Variants in ZNF791 observed in about 807,000 individuals in gnomAD.
The protein encoded by ZNF791 is zinc finger protein 791.
A neutral mutation model predicts 11.5 loss-of-function variants in ZNF791; 4 were observed. The ratio of observed to expected loss-of-function variants is 0.35; its 90% confidence interval spans 0.17 to 0.80. The LOEUF (loss-of-function observed/expected upper bound fraction) is 0.80. Ranked by LOEUF, ZNF791 falls within the 30% of genes least tolerant of loss-of-function variation. The pLI is 0.53. For synonymous variants in ZNF791, 212 were observed against 228.1 expected (o/e 0.93, Z 0.64); for missense variants, 559 against 699.4 (o/e 0.80, Z 2.26).
At chr19:12,622,427 A>C (rs896927385) in intron 1 of ZNF791, among the ~76,000 whole-genome samples, 1 of 146,678 alleles carries the variant, frequency 6.8e-6, no homozygotes, top group African/African-American at 2.5e-5. Flanking sequence ...AAAAAAAAAA[A>C]AAAAACCTCC....
intron 3 of ZNF791, among the ~76,000 whole-genome samples, chr19:12,627,149 C>T (rs2023441672): frequency 6.6e-6 from 1 of 150,740 alleles, no homozygotes; most frequent in East Asian, 2.0e-4. Context: ...TCACTGTACT[C>T]CAGTGCGGGT....
rs1031536011 is a variant in ZNF791 at position 12,630,536 on chromosome 19, C to G, written c.*1276C>G. 6.6e-6 allele frequency: 1 copy of G among 152,114 alleles called. No individual in the cohort carries two copies. Among genetic ancestry groups the G allele is most frequent in the African/African-American group, 2.4e-5 (1 of 41,430 alleles). 9.4% of individuals were successfully genotyped at this position (152,114 alleles called of 1,614,324 possible). A position where few individuals can be genotyped will look rare whatever the true frequency, so the allele number is the denominator to read the frequency against. ...AGTTACTGGTTTATATATTTACAAT[C>G]CTGTTTTAGAATGTATTCCTGTGTT... is the stretch of plus-strand genomic sequence containing the variant. On this transcript the variant is annotated 3_prime_UTR_variant, in exon 4 of 4. Coordinates refer to ENST00000343325, the MANE Select transcript of ZNF791 (RefSeq NM_153358.3).
rs1022047068 is a variant in ZNF791, at chr19:12,630,134, T to C, written c.*874T>C. 9 of 142,720 alleles carry C rather than the reference T, an allele frequency of 6.3e-5. No individual in the cohort carries two copies. Among genetic ancestry groups the C allele is most frequent in the African/African-American group, 1.9e-4 (7 of 37,508 alleles). The allele number at this position is 142,720 out of a possible 1,614,324, so 8.8% of individuals were successfully genotyped here. ...AAGATCACGTGATGGCAGTCCAGCA[T>C]GGGTGACAGTGAGACTGTATCAAAA... On this transcript the variant is annotated 3_prime_UTR_variant, in exon 4 of 4. Transcript: ENST00000343325.
At position 12,627,660 on chromosome 19, in the gene ZNF791, G is replaced by A. The variant is rs563896870; in HGVS notation, c.192-61G>A. ...AAAAAGAACTTTAGTTCTACTACCC[G>A]ATAATACATATAAAATCATTAATAC... On this transcript the variant is annotated intron_variant, in intron 3 of 3. Coordinates refer to ENST00000343325, the MANE Select transcript of ZNF791 (RefSeq NM_153358.3). The A allele has an allele frequency of 2.0e-4, 280 of 1,403,378 alleles. 2 individuals are homozygous for A. In the African/African-American group the frequency reaches 3.6e-3, roughly 18 times the overall value. 86.9% of individuals were successfully genotyped at this position (1,403,378 alleles called of 1,614,324 possible).
At chr19:12,623,392 G>A (rs968686575) in intron 1 of ZNF791, 2 of 318,750 alleles carry the variant, frequency 6.3e-6, no homozygotes, top group Admixed American at 4.8e-5. Flanking sequence ...GTAGCAGAGC[G>A]AGACCATCTA....
chr19:12,622,181 C>T (rs1421398255), intron 1 of ZNF791, among the ~76,000 whole-genome samples: 1 of 133,916 alleles, frequency 7.5e-6, no homozygotes, highest in Admixed American at 7.7e-5. Context: ...CATCACCACT[C>T]CCTAATCTCA....
rs1259908185 is a variant in ZNF791 at position 12,629,182 on chromosome 19, T to C, written c.1653T>C (p.Pro551=). Residue 551 remains proline, a synonymous_variant, in exon 4 of 4, where the codon CCT becomes CCC. Coordinates refer to ENST00000343325, the MANE Select transcript of ZNF791 (RefSeq NM_153358.3). ...RHTRIHNYEK[P]LECKQCGKAF... is the part of the protein sequence containing the mutation. ...CAAGAATTCACAATTATGAGAAACC[T>C]CTTGAATGTAAGCAATGTGGAAAAG... is the stretch of plus-strand genomic sequence containing the variant. 4 of 1,583,608 alleles carry C rather than the reference T, an allele frequency of 2.5e-6. No homozygotes were observed. The highest frequency in any genetic ancestry group is 3.4e-6 in the Non-Finnish European group (4 of 1,167,418).
At chr19:12,626,134 C>T (rs892187911) in intron 3 of ZNF791, among the ~76,000 whole-genome samples, 1 of 152,284 alleles carries the variant, frequency 6.6e-6, no homozygotes, top group South Asian at 2.1e-4. Flanking sequence ...CTTCTGCCTC[C>T]GCCTCCCAGG....
intron 3 of ZNF791, 74 bp from the exon 4 acceptor site, chr19:12,627,647 A>G: frequency 7.6e-7 from 1 of 1,323,584 alleles, no homozygotes; most frequent in Non-Finnish European, 1.0e-6. Context: ...AAAGAACTTT[A>G]GTTCTACTAC....
Position 12,631,435 on chromosome 19 carries a change from C to G in ZNF791, c.*2175C>G, listed in dbSNP as rs1039071787. On this transcript the variant is annotated 3_prime_UTR_variant, in exon 4 of 4. Transcript: ENST00000343325. ...CACCATGATATAAATTCATCACACA[C>G]GATATAAAAGTTAAGGCAAGGCATG... 1 of 152,088 alleles carries G rather than the reference C, an allele frequency of 6.6e-6. No homozygotes were observed. The highest frequency in any genetic ancestry group is 1.5e-5 in the Non-Finnish European group (1 of 68,030). 9.4% of individuals were successfully genotyped at this position (152,088 alleles called of 1,614,324 possible).
intron 1 of ZNF791, among the ~76,000 whole-genome samples, chr19:12,614,906 T>TTTTTTC (rs2023220558): frequency 7.6e-6 from 1 of 131,924 alleles, no homozygotes; most frequent in Non-Finnish European, 1.6e-5. Context: ...TTTTTTTTTT[T>TTTTTTC]TTTTTTTTTT....
intron 3 of ZNF791, among the ~76,000 whole-genome samples, chr19:12,627,413 G>A (rs1164991664): frequency 6.6e-6 from 1 of 152,088 alleles, no homozygotes; most frequent in Admixed American, 6.6e-5. Flanking sequence ...GATCACTTGA[G>A]GTCAGGAGTT....
chr19:12,620,160 C>T (rs1284231618), intron 1 of ZNF791, among the ~76,000 whole-genome samples: 1 of 151,966 alleles, frequency 6.6e-6, no homozygotes, highest in African/African-American at 2.4e-5. Context: ...GCCTTGGCCT[C>T]CCAAAGTGCT....
intron 1 of ZNF791, chr19:12,623,313 G>A: frequency 5.3e-6 from 1 of 188,894 alleles, no homozygotes; most frequent in Non-Finnish European, 1.1e-5. Context: ...GGCTGAGGTT[G>A]GAGGATTGCT....
Position 12,630,107 on chromosome 19 carries a change from C to T in ZNF791, c.*847C>T, listed in dbSNP as rs1309232807. 1 of 149,214 alleles carries T rather than the reference C, an allele frequency of 6.7e-6. No individual in the cohort carries two copies. The highest frequency in any genetic ancestry group is 1.5e-5 in the Non-Finnish European group (1 of 67,866). 9.2% of individuals were successfully genotyped at this position (149,214 alleles called of 1,614,324 possible). ...CCCAGGAGTTCAAGGCTACAGTGAA[C>T]CAAGATCACGTGATGGCAGTCCAGC... is the stretch of plus-strand genomic sequence containing the variant. On this transcript the variant is annotated 3_prime_UTR_variant, in exon 4 of 4. Transcript: ENST00000343325.
chr19:12,620,754 CTTTT>C lies in ZNF791; in HGVS notation c.4-2925_4-2922del, dbSNP rs1051381342. ...AAACTGGAGAAAGGGGATTTATGTT[CTTTT>C]TTTTTTTTTTTTTTTTTTTTGAGAT... On this transcript the variant is annotated intron_variant, in intron 1 of 3. Coordinates refer to ENST00000343325, the MANE Select transcript of ZNF791 (RefSeq NM_153358.3). 4.6e-3 allele frequency among the ~76,000 whole-genome samples: 385 copies of C among 83,436 alleles called. 4 individuals carry two copies. The highest frequency in any genetic ancestry group is 0.019 in the African/African-American group (362 of 18,656). 54.7% of individuals were successfully genotyped at this position (83,436 alleles called of 152,430 possible).
At chr19:12,617,048 G>A (rs2023253820) in intron 1 of ZNF791, among the ~76,000 whole-genome samples, 1 of 151,582 alleles carries the variant, frequency 6.6e-6, no homozygotes, top group South Asian at 2.1e-4. Flanking sequence ...ATTTCACTTA[G>A]GTACTATTTT....
At chr19:12,619,920 T>G (rs1405858357) in intron 1 of ZNF791, among the ~76,000 whole-genome samples, 1 of 151,174 alleles carries the variant, frequency 6.6e-6, no homozygotes, top group Non-Finnish European at 1.5e-5. Flanking sequence ...TATTTATTTT[T>G]ATTTTATTTA....
intron 1 of ZNF791, chr19:12,612,276 C>T (rs936286415): frequency 1.5e-5 from 4 of 273,784 alleles, no homozygotes; most frequent in African/African-American, 4.6e-5. Flanking sequence ...TGGGCTCAAG[C>T]GATCCTCCAC....
Sources: allele counts gnomAD v4.1 joint callset (sites outside exome capture counted in the v4.1 genomes callset), GRCh38; gene constraint gnomAD v4.1.1; transcripts MANE v1.5; gene names NCBI Gene and HGNC (gene_info 2026-07-23, HGNC 2026-07-21).